Variants in CELF4 observed in about 807,000 individuals in gnomAD.
CELF4 encodes the protein CUGBP Elav-like family member 4, also known as CUG-BP- and ETR-3-like factor 4.
Under a neutral mutation model 59.9 loss-of-function variants are expected in CELF4, and 18 were observed. The observed-to-expected ratio is 0.30, with a 90% CI of 0.21 to 0.45. CELF4 has a LOEUF of 0.45. CELF4 is among the 20% of genes least tolerant of loss of function. The pLI is 1.00. For missense variants in CELF4, 456 were observed against 689.0 expected (o/e 0.66, Z 3.79); for synonymous variants, 261 against 267.1 (o/e 0.98, Z 0.22).
chr18:37,285,904 C>T (rs977547397), intron 3 of CELF4, among the ~76,000 whole-genome samples: 1 of 152,210 alleles, frequency 6.6e-6, no homozygotes, highest in African/African-American at 2.4e-5. Flanking sequence ...GGGGACTTTT[C>T]GCAGCCGAAC....
At chr18:37,402,791 C>A (rs2099346274) in intron 2 of CELF4, among the ~76,000 whole-genome samples, 1 of 152,212 alleles carries the variant, frequency 6.6e-6, no homozygotes, top group South Asian at 2.1e-4. Context: ...CAGGGCTGTT[C>A]CTTCTCTTCT....
intron 2 of CELF4, among the ~76,000 whole-genome samples, chr18:37,416,784 C>T (rs1015357187): frequency 7.9e-5 from 12 of 152,274 alleles, no homozygotes; most frequent in African/African-American, 1.2e-4. Context: ...TTGGGCTGCA[C>T]GCTCCCTGTT....
chr18:37,434,660 G>T (rs2154600909), intron 2 of CELF4, among the ~76,000 whole-genome samples: 1 of 152,270 alleles, frequency 6.6e-6, no homozygotes, highest in Admixed American at 6.5e-5. Flanking sequence ...CTTTCGGGTT[G>T]CATGGGGATT....
At chr18:37,399,086 C>T (rs557284285) in intron 2 of CELF4, among the ~76,000 whole-genome samples, 21 of 152,264 alleles carry the variant, frequency 1.4e-4, no homozygotes, top group South Asian at 8.3e-4. Context: ...AGGTGAATAA[C>T]GCACAGGAGA....
chr18:37,345,027 A>G (rs1209099718), intron 2 of CELF4, among the ~76,000 whole-genome samples: 2 of 152,192 alleles, frequency 1.3e-5, no homozygotes, highest in East Asian at 3.9e-4. Flanking sequence ...CCATGTTTGC[A>G]GGATGTAGAA....
chr18:37,436,387 G>C (rs1033656326), intron 2 of CELF4, among the ~76,000 whole-genome samples: 5 of 152,158 alleles, frequency 3.3e-5, no homozygotes, highest in Admixed American at 6.5e-5. Flanking sequence ...TCCTCGCCTT[G>C]CAGTGTCTTA....
At chr18:37,345,053 A>C (rs2098201705) in intron 2 of CELF4, among the ~76,000 whole-genome samples, 1 of 152,154 alleles carries the variant, frequency 6.6e-6, no homozygotes, top group Non-Finnish European at 1.5e-5. Flanking sequence ...TGGGGTGGAG[A>C]ATTGGAGAAT....
At chr18:37,524,647 T>C (rs889045511) in intron 1 of CELF4, among the ~76,000 whole-genome samples, 43 of 152,292 alleles carry the variant, frequency 2.8e-4, no homozygotes, top group South Asian at 2.5e-3. Flanking sequence ...TTAGCCGACC[T>C]CTGGCGCCGT....
chr18:37,264,596 A>G (rs2076504923), intron 10 of CELF4, 78 bp downstream of exon 10: 2 of 1,262,980 alleles, frequency 1.6e-6, no homozygotes, highest in South Asian at 1.3e-5. Context: ...CGCACACCCC[A>G]GCCCAAGGCC....
chr18:37,487,621 G>A (rs1439589824), intron 1 of CELF4, among the ~76,000 whole-genome samples: 1 of 152,156 alleles, frequency 6.6e-6, no homozygotes, highest in Non-Finnish European at 1.5e-5. Context: ...TCTCCCGGGG[G>A]CGTCTTTCCT....
At chr18:37,266,134 T>C (rs775877242) in intron 9 of CELF4, 1 of 334,754 alleles carries the variant, frequency 3.0e-6, no homozygotes, top group Non-Finnish European at 5.6e-6. Flanking sequence ...CTGTGCTTCC[T>C]GGGCCAGTGA....
chr18:37,409,927 C>G (rs369756448), intron 2 of CELF4, among the ~76,000 whole-genome samples: 14 of 152,336 alleles, frequency 9.2e-5, no homozygotes, highest in African/African-American at 3.4e-4. Context: ...TGCAGCGCCT[C>G]AGGGCCAGGC....
At chr18:37,347,950 C>A (rs1427835796) in intron 2 of CELF4, among the ~76,000 whole-genome samples, 1 of 152,148 alleles carries the variant, frequency 6.6e-6, no homozygotes, top group Non-Finnish European at 1.5e-5. Flanking sequence ...ACGTTCCCAG[C>A]TCAGAAGGGG....
At chr18:37,446,595 C>T (rs1242152536) in intron 2 of CELF4, among the ~76,000 whole-genome samples, 1 of 152,212 alleles carries the variant, frequency 6.6e-6, no homozygotes, top group Non-Finnish European at 1.5e-5. Context: ...ATGTAATGCA[C>T]TGGACACAGT....
intron 2 of CELF4, among the ~76,000 whole-genome samples, chr18:37,474,807 G>A (rs889519641): frequency 6.6e-6 from 1 of 152,208 alleles, no homozygotes; most frequent in Non-Finnish European, 1.5e-5. Flanking sequence ...GTGGTGTCCT[G>A]CCCATGACCC....
chr18:37,458,373 G>C (rs2099784499), intron 2 of CELF4, among the ~76,000 whole-genome samples: 1 of 152,200 alleles, frequency 6.6e-6, no homozygotes, highest in South Asian at 2.1e-4. Context: ...CACTAGTGGA[G>C]ATTTCCCCAT....
At chr18:37,475,377 T>C (rs1253171287) in intron 2 of CELF4, among the ~76,000 whole-genome samples, 2 of 152,168 alleles carry the variant, frequency 1.3e-5, no homozygotes, top group Non-Finnish European at 2.9e-5. Flanking sequence ...TGATCTAGAG[T>C]AAGCTCAAGA....
chr18:37,438,086 A>G (rs2099699142), intron 2 of CELF4, among the ~76,000 whole-genome samples: 1 of 152,210 alleles, frequency 6.6e-6, no homozygotes. Flanking sequence ...TGAATCTGCT[A>G]GCACCTTGAT....
intron 2 of CELF4, among the ~76,000 whole-genome samples, chr18:37,460,247 C>T (rs1383335993): frequency 6.6e-6 from 1 of 152,174 alleles, no homozygotes; most frequent in African/African-American, 2.4e-5. Context: ...GATGATCACC[C>T]ACTTTATATA....
Sources: gnomAD v4.1 joint callset for allele counts (sites outside exome capture counted in the v4.1 genomes callset) on GRCh38, gnomAD v4.1.1 for gene constraint, MANE v1.5 for transcripts, NCBI Gene and HGNC (gene_info 2026-07-23, HGNC 2026-07-21) for gene names.